MYOM1: variants seen among roughly 807,000 people sequenced by gnomAD.
MYOM1 encodes the protein myomesin 1, also known as myomesin-1.
In MYOM1, 164 loss-of-function variants were observed where a neutral mutation model predicts 205.3. The observed-to-expected ratio is 0.80, with a 90% CI of 0.70 to 0.91. MYOM1 has a LOEUF of 0.91. Ranked by LOEUF, MYOM1 falls within the 40% of genes least tolerant of loss-of-function variation. The probability of loss-of-function intolerance (pLI) is 0.00; values close to 1 mark genes in which losing one functional copy is unlikely to be tolerated. For synonymous variants in MYOM1, 772 were observed against 789.4 expected (o/e 0.98, Z 0.37); for missense variants, 2,011 against 2,127.3 (o/e 0.95, Z 1.08).
chr18:3,167,637 A>G (rs548687953), intron 9 of MYOM1, among the ~76,000 whole-genome samples: 2 of 152,300 alleles, frequency 1.3e-5, no homozygotes, highest in East Asian at 3.9e-4. Flanking sequence ...TGCCCACTTC[A>G]GCCTCCCAAA....
At chr18:3,085,849 A>G (rs2079146968) in intron 30 of MYOM1, among the ~76,000 whole-genome samples, 189 bp downstream of exon 30, 5 of 152,216 alleles carry the variant, frequency 3.3e-5, no homozygotes. Flanking sequence ...TTCAGCTCAT[A>G]CTGGTTTGCT....
chr18:3,079,898 A>G (rs1286127852), intron 33 of MYOM1, among the ~76,000 whole-genome samples: 1 of 152,170 alleles, frequency 6.6e-6, no homozygotes, highest in Non-Finnish European at 1.5e-5. Context: ...CGCCAACACG[A>G]ATGAGGCATG....
intron 13 of MYOM1, among the ~76,000 whole-genome samples, chr18:3,145,169 C>T (rs7239441): frequency 0.16 from 24,998 of 151,848 alleles, 2,447 homozygotes; most frequent in East Asian, 0.34. Context: ...ATTAGCCTGG[C>T]ATGGTGGTAT....
At chr18:3,096,773 T>G (rs2079311121) in intron 25 of MYOM1, among the ~76,000 whole-genome samples, 1 of 152,166 alleles carries the variant, frequency 6.6e-6, no homozygotes, top group Non-Finnish European at 1.5e-5. Flanking sequence ...TTATGCAGCA[T>G]GCTGATAATA....
chr18:3,231,973 T>C, the MYOM1 span, among the ~76,000 whole-genome samples: 2 of 151,322 alleles, frequency 1.3e-5, no homozygotes, highest in Non-Finnish European at 2.9e-5. Flanking sequence ...ACTTGTCATT[T>C]ACCACAAAAA....
At chr18:3,213,641 G>GT (rs1371564875) in intron 2 of MYOM1, among the ~76,000 whole-genome samples, 1 of 152,230 alleles carries the variant, frequency 6.6e-6, no homozygotes, top group African/African-American at 2.4e-5. Context: ...CGTTGCTGTT[G>GT]TAAAGTGTCA....
At chr18:3,117,910 C>T (rs1423833890) in intron 20 of MYOM1, among the ~76,000 whole-genome samples, 6 of 152,150 alleles carry the variant, frequency 3.9e-5, no homozygotes, top group Admixed American at 1.3e-4. Flanking sequence ...ATACCTCACA[C>T]GAATGTGGCA....
At chr18:3,097,776 G>A (rs1397322470) in intron 25 of MYOM1, among the ~76,000 whole-genome samples, 1 of 152,142 alleles carries the variant, frequency 6.6e-6, no homozygotes, top group Non-Finnish European at 1.5e-5. Context: ...TCTAATAAAA[G>A]GATAACTGAG....
chr18:3,157,680 A>AAATAAT (rs55669820), intron 10 of MYOM1, among the ~76,000 whole-genome samples: 9,088 of 139,568 alleles, frequency 0.065, 330 homozygotes, highest in East Asian at 0.13. Context: ...TTGTCTCCAA[A>AAATAAT]AATAATAATA....
the MYOM1 span, among the ~76,000 whole-genome samples, chr18:3,235,752 A>G: frequency 6.6e-6 from 1 of 152,216 alleles, no homozygotes; most frequent in Admixed American, 6.5e-5. Context: ...TGGAAGTAAT[A>G]AGTGCAATGG....
At chr18:3,147,752 A>C (rs1017695615) in intron 13 of MYOM1, among the ~76,000 whole-genome samples, 1 of 152,224 alleles carries the variant, frequency 6.6e-6, no homozygotes, top group Admixed American at 6.5e-5. Context: ...GGTAAAGAAC[A>C]ATCTTTTCAA....
At chr18:3,151,509 C>G (rs1487043619) in intron 12 of MYOM1, among the ~76,000 whole-genome samples, 185 bp downstream of exon 12, 1 of 133,742 alleles carries the variant, frequency 7.5e-6, no homozygotes, top group Non-Finnish European at 1.7e-5. Flanking sequence ...AAATAAAACC[C>G]TTAAGAGAAT....
the MYOM1 span, among the ~76,000 whole-genome samples, chr18:3,244,817 T>C: frequency 5.5e-3 from 837 of 151,956 alleles, 15 homozygotes; most frequent in African/African-American, 0.02. Flanking sequence ...AAGAATCACC[T>C]GAACCTAGGA....
chr18:3,147,700 T>C (rs965637855), intron 13 of MYOM1, among the ~76,000 whole-genome samples: 7 of 152,206 alleles, frequency 4.6e-5, no homozygotes, highest in Non-Finnish European at 8.8e-5. Flanking sequence ...CACACATATG[T>C]AATCAATTGA....
chr18:3,167,489 T>G (rs1009823851), intron 9 of MYOM1, among the ~76,000 whole-genome samples: 1 of 152,234 alleles, frequency 6.6e-6, no homozygotes, highest in African/African-American at 2.4e-5. Flanking sequence ...GTTCAAGCGA[T>G]TCCCCTGCCT....
At chr18:3,077,571 A>C (rs7233983) in intron 34 of MYOM1, among the ~76,000 whole-genome samples, 49,776 of 151,878 alleles carry the variant, frequency 0.33, 8,366 homozygotes, top group African/African-American at 0.38. Context: ...CCACTCTGAC[A>C]GAGAGGTGGG....
chr18:3,197,136 C>CTTTTTTTT (rs34446814), intron 2 of MYOM1, among the ~76,000 whole-genome samples: 1 of 132,518 alleles, frequency 7.5e-6, no homozygotes, highest in East Asian at 2.1e-4. Context: ...CTCCAACTTC[C>CTTTTTTTT]TTTTTTTTTT....
chr18:3,177,954 C>T (rs376713753), intron 5 of MYOM1, among the ~76,000 whole-genome samples: 2 of 152,194 alleles, frequency 1.3e-5, no homozygotes, highest in East Asian at 3.8e-4. Context: ...TCACAGCCCT[C>T]GGAGAGTGGA....
chr18:3,185,385 G>A lies in MYOM1; in HGVS notation c.929+2095C>T, dbSNP rs115953674. ...AGTGGGAAAACACAGATAGGAAACT[G>A]TGTAATAAACACATTTATTCAACAA... On this transcript the variant is annotated intron_variant, in intron 5 of 37. Coordinates refer to ENST00000356443, the MANE Select transcript of MYOM1 (RefSeq NM_003803.4). Among the ~76,000 whole-genome samples the A allele has an allele frequency of 2.1e-3, 324 of 152,290 alleles. 2 individuals are homozygous for A. The highest frequency in any genetic ancestry group is 7.1e-3 in the African/African-American group (297 of 41,548).
Sources: gnomAD v4.1 joint callset for allele counts (sites outside exome capture counted in the v4.1 genomes callset) on GRCh38, gnomAD v4.1.1 for gene constraint, MANE v1.5 for transcripts, NCBI Gene and HGNC (gene_info 2026-07-23, HGNC 2026-07-21) for gene names.